Variants in FOLH1 observed in about 807,000 individuals in gnomAD.
FOLH1 encodes folate hydrolase 1.
A neutral mutation model predicts 93.9 loss-of-function variants in FOLH1; 54 were observed. The observed-to-expected ratio is 0.57, with a 90% CI of 0.46 to 0.72. The LOEUF (loss-of-function observed/expected upper bound fraction) is 0.72, where lower values mean the gene tolerates loss of function less well. Among genes scored for constraint, FOLH1 ranks in the 30% least tolerant of loss-of-function variants. The pLI is 0.00. For missense variants in FOLH1, 571 were observed against 892.5 expected, an observed-to-expected ratio of 0.64 and a Z score of 4.59; for synonymous variants, 249 against 303.6, an observed-to-expected ratio of 0.82 and a Z score of 1.87.
At chr11:49,186,171 G>A (rs1010121622) in intron 5 of FOLH1, 5 of 272,070 alleles carry the variant, frequency 1.8e-5, no homozygotes, top group Non-Finnish European at 2.5e-5. Context: ...TTCTACAGTC[G>A]AAAGGGAATT....
In FOLH1 at chr11:49,208,418, G is replaced by T. The variant is rs751275631; in HGVS notation, c.-9C>A. On this transcript the variant is annotated 5_prime_UTR_variant, in exon 1 of 19. Transcript: ENST00000256999. Reference sequence around the variant, plus strand: ...TGAAGGAGATTCCACATCTCGGCGCGAGCAGAGCCGGCCTCCCGGGACCCG... The same window carrying T: ...TGAAGGAGATTCCACATCTCGGCGCTAGCAGAGCCGGCCTCCCGGGACCCG... 6 of 1,581,714 alleles carry T rather than the reference G, an allele frequency of 3.8e-6. No homozygotes were observed. Among genetic ancestry groups the T allele is most frequent in the Non-Finnish European group, 1.7e-6 (2 of 1,160,352 alleles).
At chr11:49,191,499 G>A (rs546077498) in intron 4 of FOLH1, among the ~76,000 whole-genome samples, 1 of 152,274 alleles carries the variant, frequency 6.6e-6, no homozygotes, top group South Asian at 2.1e-4. Context: ...AAGATTTTAA[G>A]TCTATTTGAA....
chr11:49,174,541 A>G (rs1482496871), intron 9 of FOLH1, among the ~76,000 whole-genome samples: 2 of 152,176 alleles, frequency 1.3e-5, no homozygotes, highest in Non-Finnish European at 2.9e-5. Context: ...TATAGTTATC[A>G]TGAAGATATT....
At chr11:49,154,631 C>T in intron 15 of FOLH1, 139 bp from the exon 16 acceptor site, 10 of 1,451,212 alleles carry the variant, frequency 6.9e-6, no homozygotes, top group Non-Finnish European at 9.1e-6. Context: ...AAGCTACATC[C>T]TAAATGGCTA....
chr11:49,173,023 G>A (rs1489061064), intron 10 of FOLH1, among the ~76,000 whole-genome samples: 1 of 152,164 alleles, frequency 6.6e-6, no homozygotes, highest in Non-Finnish European at 1.5e-5. Context: ...TACAGTCTCT[G>A]ACTAGGAAGC....
chr11:49,160,383 CTTTTGTTCTCT>C (rs1336031615), intron 13 of FOLH1, among the ~76,000 whole-genome samples: 1 of 151,856 alleles, frequency 6.6e-6, no homozygotes, highest in African/African-American at 2.4e-5. Context: ...GGTTTGTTTG[CTTTTGTTCTCT>C]AGTATATTTA....
chr11:49,201,108 C>A (rs562849546), intron 2 of FOLH1, among the ~76,000 whole-genome samples: 1 of 151,978 alleles, frequency 6.6e-6, no homozygotes, highest in South Asian at 2.1e-4. Flanking sequence ...AGACTAATTT[C>A]TCATTTAATA....
chr11:49,160,432 A>C (rs1223731114), intron 13 of FOLH1, among the ~76,000 whole-genome samples: 2 of 151,248 alleles, frequency 1.3e-5, no homozygotes, highest in Non-Finnish European at 3.0e-5. Context: ...TTAACTTGAG[A>C]TCTTTCTAAT....
intron 3 of FOLH1, 74 bp downstream of exon 3, chr11:49,200,181 A>C: frequency 4.0e-6 from 5 of 1,253,448 alleles, no homozygotes; most frequent in Non-Finnish European, 5.4e-6. Flanking sequence ...GGGATAGAAC[A>C]TTATTTCATA....
intron 1 of FOLH1, 25 bp downstream of exon 1, chr11:49,208,267 T>C: frequency 6.7e-7 from 1 of 1,481,654 alleles, no homozygotes; most frequent in Non-Finnish European, 9.1e-7. Context: ...GACTCCGAGG[T>C]TTGCTCCGCG....
At chr11:49,165,922 T>C (rs1399125513) in intron 12 of FOLH1, among the ~76,000 whole-genome samples, 1 of 152,214 alleles carries the variant, frequency 6.6e-6, no homozygotes, top group Non-Finnish European at 1.5e-5. Flanking sequence ...GTGGAGTAGT[T>C]TGGCAGCATT....
At chr11:49,191,517 A>G (rs1217432742) in intron 4 of FOLH1, among the ~76,000 whole-genome samples, 1 of 152,226 alleles carries the variant, frequency 6.6e-6, no homozygotes, top group Non-Finnish European at 1.5e-5. Context: ...GAAGGAAATA[A>G]GAGACAACGG....
chr11:49,178,620 G>A (rs534520754), intron 7 of FOLH1, among the ~76,000 whole-genome samples: 13 of 152,030 alleles, frequency 8.6e-5, no homozygotes, highest in African/African-American at 2.9e-4. Context: ...TTCTCTTTAG[G>A]TTCTCTTTAG....
intron 9 of FOLH1, among the ~76,000 whole-genome samples, chr11:49,174,080 G>C (rs1002219854): frequency 1.3e-5 from 2 of 152,096 alleles, no homozygotes; most frequent in Non-Finnish European, 2.9e-5. Flanking sequence ...TCAGTTGTTT[G>C]TCTTGGGTCT....
intron 15 of FOLH1, among the ~76,000 whole-genome samples, chr11:49,155,837 A>ATAG (rs1390925070): frequency 7.3e-5 from 3 of 41,286 alleles, no homozygotes; most frequent in Admixed American, 3.1e-4. Context: ...TATATATATA[A>ATAG]TCAACAACAA....
At chr11:49,170,383 G>A (rs1859108662) in intron 11 of FOLH1, among the ~76,000 whole-genome samples, 1 of 152,164 alleles carries the variant, frequency 6.6e-6, no homozygotes, top group Admixed American at 6.5e-5. Context: ...GGGAGGCCGA[G>A]GCAGGCATAT....
In FOLH1 at chr11:49,154,424, C is replaced by G; in HGVS notation, c.1692G>C (p.Lys564Asn). The G allele has an allele frequency of 6.2e-7, 1 of 1,611,564 alleles. No individual in the cohort carries two copies. The highest frequency in any genetic ancestry group is 8.5e-7 in the Non-Finnish European group (1 of 1,178,236). The change falls in exon 16 of 19, where the codon AAG (lysine) becomes AAC (asparagine). Residue 564 changes from lysine (K) to asparagine (N), a missense_variant. This residue lies in a region of FOLH1 where 500 missense variants were observed against 822.9 expected (regional missense o/e 0.61). Coordinates refer to ENST00000256999, the MANE Select transcript of FOLH1 (RefSeq NM_004476.3). ...GATATTTAAACATTGGATCATAAAA[C>G]TTTTCCACCAACTCATATGTTTCAT... Reference protein sequence around the residue: ...SVYETYELVEKFYDPMFKYHL... With the variant: ...SVYETYELVENFYDPMFKYHL...
rs533663504 is a variant in FOLH1, at chr11:49,157,983, T to A, written c.1501A>T (p.Ser501Cys). ...KSLYESWTKK[S>C]PSPEFSGMPR... The stretch of plus-strand genomic sequence containing the variant: ...ATGCCACTGAACTCTGGGGAAGGAC[T>A]TTTTTTAGTCCAACTTTCATAAAGA... Residue 501 changes from serine (S) to cysteine (C), a missense_variant, in exon 14 of 19, where the codon AGT becomes TGT. Physicochemically the swap from Ser to Cys is moderately radical, Grantham distance 112. Coordinates refer to ENST00000256999, the MANE Select transcript of FOLH1 (RefSeq NM_004476.3). 12 of 1,596,954 alleles carry A rather than the reference T, an allele frequency of 7.5e-6. No individual in the cohort carries two copies. Among genetic ancestry groups the A allele is most frequent in the Admixed American group, 6.8e-5 (4 of 58,810 alleles).
intron 1 of FOLH1, among the ~76,000 whole-genome samples, chr11:49,206,586 A>G (rs1466659167): frequency 6.6e-6 from 1 of 152,256 alleles, no homozygotes; most frequent in African/African-American, 2.4e-5. Flanking sequence ...TAAGCATTTA[A>G]TACATTTTTA....
Sources: allele counts gnomAD v4.1 joint callset (sites outside exome capture counted in the v4.1 genomes callset), GRCh38; gene constraint gnomAD v4.1.1; regional missense constraint gnomAD v4.1.1; transcripts MANE v1.5; gene names NCBI Gene and HGNC (gene_info 2026-07-23, HGNC 2026-07-21).